Variants in TRIP12 observed in about 807,000 individuals in gnomAD.
The protein encoded by TRIP12 is E3 ubiquitin-protein ligase TRIP12.
TRIP12 carries 25 observed loss-of-function variants against 244.2 expected under a neutral mutation model. The observed-to-expected ratio is 0.10, with a 90% CI of 0.07 to 0.14. The LOEUF (loss-of-function observed/expected upper bound fraction) is 0.14. TRIP12 is among the 10% of genes least tolerant of loss of function. The probability of loss-of-function intolerance (pLI) is 1.00; values close to 1 mark genes in which losing one functional copy is unlikely to be tolerated. For missense variants in TRIP12, 1,677 were observed against 2,486.4 expected, an observed-to-expected ratio of 0.67 and a Z score of 6.92; for synonymous variants, 905 against 873.1, an observed-to-expected ratio of 1.04 and a Z score of -0.64.
intron 1 of TRIP12, among the ~76,000 whole-genome samples, chr2:229,886,069 G>C (rs2065944721): frequency 6.6e-6 from 1 of 152,040 alleles, no homozygotes; most frequent in Non-Finnish European, 1.5e-5. Flanking sequence ...AATTGAAGGG[G>C]AAAAAGAACA....
intron 34 of TRIP12, among the ~76,000 whole-genome samples, chr2:229,785,011 C>G (rs1400879903): frequency 6.6e-6 from 1 of 152,166 alleles, no homozygotes; most frequent in Non-Finnish European, 1.5e-5. Context: ...TAGTCAAAAA[C>G]TGGAAACAAC....
intron 1 of TRIP12, among the ~76,000 whole-genome samples, chr2:229,906,303 C>CAAAAAAA (rs34519454): frequency 1.0e-5 from 1 of 98,970 alleles, no homozygotes; most frequent in Non-Finnish European, 2.1e-5. Context: ...GAGACTGTCT[C>CAAAAAAA]AAAAAAAAAA....
intron 4 of TRIP12, among the ~76,000 whole-genome samples, chr2:229,850,760 G>A (rs374670201): frequency 1.3e-5 from 2 of 152,216 alleles, no homozygotes; most frequent in Non-Finnish European, 2.9e-5. Context: ...CGGCGCTTGC[G>A]GGCCAGCTGG....
At chr2:229,834,905 A>C (rs1320909418) in intron 6 of TRIP12, among the ~76,000 whole-genome samples, 1 of 152,202 alleles carries the variant, frequency 6.6e-6, no homozygotes, top group Non-Finnish European at 1.5e-5. Context: ...TAACAACATT[A>C]TTTCCAAATA....
chr2:229,899,342 T>G (rs897105453), intron 1 of TRIP12, among the ~76,000 whole-genome samples: 6 of 152,086 alleles, frequency 3.9e-5, no homozygotes, highest in African/African-American at 1.4e-4. Flanking sequence ...TCCAAAGTGT[T>G]AGAACAGTTA....
At position 229,873,946 on chromosome 2, in the gene TRIP12, G is replaced by A. The variant is rs1464342261; in HGVS notation, c.98+6036C>T. ...GTAAAAACGGGTCCATAACAAAGCT[G>A]AGGAAAAATTTATTCTTAGCATGGA... On this transcript the variant is annotated intron_variant, in intron 2 of 41. Coordinates refer to ENST00000675903, the MANE Select transcript of TRIP12 (RefSeq NM_001348323.3). 2.6e-5 allele frequency among the ~76,000 whole-genome samples: 4 copies of A among 151,736 alleles called. No individual in the cohort carries two copies. In the East Asian group the frequency reaches 7.7e-4, roughly 29 times the overall value.
Position 229,799,029 on chromosome 2 carries a change from G to C in TRIP12, c.3328C>G (p.Gln1110Glu). The change falls in exon 23 of 42, where the codon CAG (glutamine) becomes GAG (glutamate). Residue 1110 changes from glutamine (Q) to glutamate (E), a missense_variant. Coordinates refer to ENST00000675903, the MANE Select transcript of TRIP12 (RefSeq NM_001348323.3). ...GCCAGGAAAGAAGATTTAGGTGACT[G>C]AGTAGTGGTGGGGCTTTTAGCTATG... ...DNQAKSPTTT[Q>E]SPKSSFLASL... 1 of 1,614,186 alleles carries C rather than the reference G, an allele frequency of 6.2e-7. No individual in the cohort carries two copies. Among genetic ancestry groups the C allele is most frequent in the Non-Finnish European group, 8.5e-7 (1 of 1,180,034 alleles).
chr2:229,892,510 A>G (rs1412031392), intron 1 of TRIP12, among the ~76,000 whole-genome samples: 1 of 152,182 alleles, frequency 6.6e-6, no homozygotes, highest in African/African-American at 2.4e-5. Flanking sequence ...CATCTGTCAA[A>G]GAAATCATTA....
intron 4 of TRIP12, among the ~76,000 whole-genome samples, chr2:229,850,934 G>A (rs1332560049): frequency 2.0e-5 from 3 of 152,220 alleles, no homozygotes; most frequent in Non-Finnish European, 1.5e-5. Flanking sequence ...ATTTCTCGCC[G>A]GGCCTTAGCT....
At chr2:229,793,956 C>T (rs983127291) in intron 26 of TRIP12, among the ~76,000 whole-genome samples, 5 of 152,010 alleles carry the variant, frequency 3.3e-5, no homozygotes, top group African/African-American at 7.2e-5. Context: ...AGATTGGACC[C>T]TCCTGCACAT....
At chr2:229,787,704 C>A in intron 32 of TRIP12, 43 bp from the exon 33 acceptor site, 1 of 1,449,506 alleles carries the variant, frequency 6.9e-7, no homozygotes. Flanking sequence ...GGATGAGAAT[C>A]AGAAACTACT....
At chr2:229,921,557 G>C (rs2076573692) in intron 1 of TRIP12, 1 of 150,506 alleles carries the variant, frequency 6.6e-6, no homozygotes, top group African/African-American at 2.5e-5. Flanking sequence ...ACACCCGCAA[G>C]CCTTACCCCG....
chr2:229,871,236 G>A (rs1035759449), intron 2 of TRIP12, among the ~76,000 whole-genome samples: 1 of 151,694 alleles, frequency 6.6e-6, no homozygotes, highest in African/African-American at 2.4e-5. Context: ...AAGAAAAGAA[G>A]AAAGAAAAGA....
intron 36 of TRIP12, among the ~76,000 whole-genome samples, chr2:229,777,694 A>C (rs914753789): frequency 2.6e-5 from 4 of 152,224 alleles, no homozygotes; most frequent in African/African-American, 7.2e-5. Context: ...GTATTACTGA[A>C]TATCCCAATG....
At chr2:229,836,037 G>T (rs928735116) in intron 6 of TRIP12, among the ~76,000 whole-genome samples, 1 of 152,114 alleles carries the variant, frequency 6.6e-6, no homozygotes, top group Non-Finnish European at 1.5e-5. Context: ...CATCAATAGC[G>T]GGTAAACCAC....
chr2:229,805,222 AAACAACAACAAC>A (rs1297499840), intron 18 of TRIP12, among the ~76,000 whole-genome samples: 1 of 149,366 alleles, frequency 6.7e-6, no homozygotes. Flanking sequence ...GCCCTTTTCA[AAACAACAACAAC>A]AACAACAACA....
At chr2:229,775,638 A>C (rs569748319) in intron 37 of TRIP12, among the ~76,000 whole-genome samples, 7 of 151,044 alleles carry the variant, frequency 4.6e-5, no homozygotes, top group Non-Finnish European at 1.0e-4. Context: ...TAGTTTCTCT[A>C]GATTTTATAT....
At chr2:229,780,290 C>T (rs1018389158) in intron 34 of TRIP12, among the ~76,000 whole-genome samples, 1 of 152,198 alleles carries the variant, frequency 6.6e-6, no homozygotes, top group Non-Finnish European at 1.5e-5. Context: ...AGAGTAAATA[C>T]AATAAGCGCT....
intron 34 of TRIP12, among the ~76,000 whole-genome samples, chr2:229,782,460 G>A (rs1000561584): frequency 2.0e-5 from 3 of 152,072 alleles, no homozygotes; most frequent in Admixed American, 2.0e-4. Flanking sequence ...CTCCTTGTCT[G>A]AATGCGTCAT....
Sources: allele counts gnomAD v4.1 joint callset (sites outside exome capture counted in the v4.1 genomes callset), GRCh38; gene constraint gnomAD v4.1.1; transcripts MANE v1.5; gene names NCBI Gene and HGNC (gene_info 2026-07-23, HGNC 2026-07-21).